TNRC6A: variants seen among roughly 807,000 people sequenced by gnomAD.
The protein encoded by TNRC6A is trinucleotide repeat containing adaptor 6A.
TNRC6A carries 44 observed loss-of-function variants against 221.2 expected under a neutral mutation model. The ratio of observed to expected loss-of-function variants is 0.20; its 90% confidence interval spans 0.16 to 0.26. The LOEUF is 0.26. TNRC6A is among the 10% of genes least tolerant of loss of function. The pLI, the probability that TNRC6A is intolerant of heterozygous loss-of-function variation, is 1.00. For synonymous variants in TNRC6A, 847 were observed against 838.5 expected (o/e 1.01, Z -0.18); for missense variants, 2,199 against 2,404.4 (o/e 0.91, Z 1.79).
At chr16:24,806,870 C>T in intron 17 of TNRC6A, 86 bp downstream of exon 17, 5 of 1,286,670 alleles carry the variant, frequency 3.9e-6, no homozygotes, top group Non-Finnish European at 5.5e-6. Context: ...CAGCTCTGTT[C>T]CTTCATGAAA....
At chr16:24,789,155 T>G (rs1211573712) in intron 5 of TNRC6A, 77 bp from the exon 6 acceptor site, 5 of 1,382,794 alleles carry the variant, frequency 3.6e-6, no homozygotes, top group Non-Finnish European at 4.9e-6. Context: ...AACATATTCG[T>G]CATTTTTCTT....
intron 2 of TNRC6A, among the ~76,000 whole-genome samples, chr16:24,716,010 T>A (rs953857388): frequency 2.0e-5 from 3 of 152,112 alleles, no homozygotes. Flanking sequence ...TGGAATTCTC[T>A]ATCTGTGTGG....
chr16:24,649,266 C>G (rs868524028), intron 2 of TNRC6A, among the ~76,000 whole-genome samples: 2 of 151,970 alleles, frequency 1.3e-5, no homozygotes, highest in South Asian at 4.2e-4. Flanking sequence ...TGCATGTTAC[C>G]TCACATACTT....
At chr16:24,808,230 A>G (rs1031495630) in intron 17 of TNRC6A, among the ~76,000 whole-genome samples, 1 of 152,238 alleles carries the variant, frequency 6.6e-6, no homozygotes, top group East Asian at 1.9e-4. Context: ...TGACATATAA[A>G]TTGGCCACAT....
At chr16:24,639,673 G>A (rs1244813008) in intron 1 of TNRC6A, among the ~76,000 whole-genome samples, 2 of 152,012 alleles carry the variant, frequency 1.3e-5, no homozygotes, top group Non-Finnish European at 2.9e-5. Flanking sequence ...ACAGGGTCTC[G>A]CTCTATCGCC....
Position 24,790,725 on chromosome 16 carries a change from A to G in TNRC6A, c.2083A>G (p.Arg695Gly). The G allele has an allele frequency of 6.2e-7, 1 of 1,614,208 alleles. No homozygotes were observed. The highest frequency in any genetic ancestry group is 8.5e-7 in the Non-Finnish European group (1 of 1,180,032). ...KGTGESQSRD[R>G]RKIDQHTLLQ... ...AACTGGGGAAAGTCAGAGTAGAGACAGAAGAAAAATTGATCAGCACACATT... is the reference window on the plus strand; with the variant it reads ...AACTGGGGAAAGTCAGAGTAGAGACGGAAGAAAAATTGATCAGCACACATT... Residue 695 changes from arginine to glycine, a missense_variant, in exon 6 of 25, where the codon AGA becomes GGA. Arg to Gly is a moderately radical substitution (Grantham distance 125). This residue lies in a region of TNRC6A where 1,405 missense variants were observed against 1,400.2 expected (regional missense o/e 1.00). Transcript: ENST00000395799.
At chr16:24,629,453 A>G (rs763235969) in intron 1 of TNRC6A, among the ~76,000 whole-genome samples, 3 of 152,220 alleles carry the variant, frequency 2.0e-5, no homozygotes, top group Non-Finnish European at 4.4e-5. Flanking sequence ...AATATTTTTA[A>G]TTAAAGTTAC....
At chr16:24,637,150 A>G (rs1901677084) in intron 1 of TNRC6A, among the ~76,000 whole-genome samples, 1 of 152,124 alleles carries the variant, frequency 6.6e-6, no homozygotes, top group African/African-American at 2.4e-5. Context: ...CTCCCGTCTC[A>G]GCCTCCCTAG....
At chr16:24,613,484 ATTTT>A (rs1900173845) in intron 1 of TNRC6A, among the ~76,000 whole-genome samples, 2 of 133,114 alleles carry the variant, frequency 1.5e-5, no homozygotes, top group Admixed American at 1.6e-4. Flanking sequence ...ATTTTATTTT[ATTTT>A]ATTTTATTTT....
intron 11 of TNRC6A, among the ~76,000 whole-genome samples, chr16:24,798,635 A>G (rs2058268589): frequency 6.6e-6 from 1 of 152,252 alleles, no homozygotes; most frequent in Non-Finnish European, 1.5e-5. Context: ...CCAAACCAAG[A>G]CAGTAGATGG....
intron 2 of TNRC6A, among the ~76,000 whole-genome samples, chr16:24,719,988 G>A (rs1596543462): frequency 6.6e-6 from 1 of 152,210 alleles, no homozygotes; most frequent in African/African-American, 2.4e-5. Context: ...GGAAAGTCCT[G>A]AGGAAGTTAC....
chr16:24,737,308 T>C (rs957190057), intron 2 of TNRC6A, among the ~76,000 whole-genome samples: 2 of 152,168 alleles, frequency 1.3e-5, no homozygotes, highest in African/African-American at 4.8e-5. Context: ...GAGGAAGATG[T>C]TTGAGATTCA....
At chr16:24,795,979 G>A in intron 9 of TNRC6A, 40 bp downstream of exon 9, 4 of 1,610,604 alleles carry the variant, frequency 2.5e-6, no homozygotes, top group Non-Finnish European at 3.4e-6. Flanking sequence ...GTTTCTACTA[G>A]TAAAAATCTT....
chr16:24,746,223 A>G (rs1023951268), intron 2 of TNRC6A, among the ~76,000 whole-genome samples: 1 of 152,120 alleles, frequency 6.6e-6, no homozygotes, highest in Non-Finnish European at 1.5e-5. Flanking sequence ...AGATGTGTTC[A>G]GTTGTTTCTA....
chr16:24,781,830 T>C lies in TNRC6A; in HGVS notation c.589+4472T>C, dbSNP rs1041774146. Among the ~76,000 whole-genome samples the C allele has an allele frequency of 1.5e-4, 23 of 151,488 alleles. 1 individual carries two copies. Among genetic ancestry groups the C allele is most frequent in the Admixed American group, 3.3e-4 (5 of 15,192 alleles). On this transcript the variant is annotated intron_variant, in intron 5 of 24. Coordinates refer to ENST00000395799, the MANE Select transcript of TNRC6A (RefSeq NM_014494.4). ...CTGTACTCTGCTGATTTTAACTCTT[T>C]TTTTTTTTTTTTGAGATGGAGTCTC...
In TNRC6A at chr16:24,797,950, G is replaced by C; in HGVS notation, c.3678G>C (p.Lys1226Asn). Residue 1226 changes from lysine to asparagine, a missense_variant, in exon 11 of 25, where the codon AAG becomes AAC. Physicochemically the swap from Lys to Asn is moderately conservative, Grantham distance 94. This residue lies in a region of TNRC6A where 158 missense variants were observed against 159.1 expected (regional missense o/e 0.99). Coordinates refer to ENST00000395799, the MANE Select transcript of TNRC6A (RefSeq NM_014494.4). ...CAGAGGAAAATGTACAAAGCAATAA[G>C]ATGGACCTTTCTGGAGGTAAGAGAA... ...DSPEENVQSNKMDLSGGMLQD... is the reference protein window; with the variant it reads ...DSPEENVQSNNMDLSGGMLQD... 6.2e-7 allele frequency: 1 copy of C among 1,611,092 alleles called. No homozygotes were observed. The highest frequency in any genetic ancestry group is 2.2e-5 in the East Asian group (1 of 44,828).
chr16:24,779,969 A>G (rs2057804910), intron 5 of TNRC6A, among the ~76,000 whole-genome samples: 1 of 152,160 alleles, frequency 6.6e-6, no homozygotes, highest in Non-Finnish European at 1.5e-5. Flanking sequence ...GATGGTTTAA[A>G]TTGAGACTTG....
rs368675797 is a variant in TNRC6A at position 24,717,915 on chromosome 16, C to T, written n.403-32811C>T. Among the ~76,000 whole-genome samples the T allele has an allele frequency of 1.5e-4, 23 of 151,270 alleles. 2 individuals are homozygous for T. The highest frequency in any genetic ancestry group is 9.3e-4 in the Admixed American group (14 of 15,114). On this transcript the variant is annotated intron_variant and non_coding_transcript_variant, in intron 2 of 2. Transcript: ENST00000566108. ...GCCTCCCAAGTAGCTGGATTATAGG[C>T]GCGTGCCACCACCCCCAGCTAATTT...
In TNRC6A at chr16:24,823,740, G is replaced by C; in HGVS notation, c.5822G>C (p.Ser1941Thr). The C allele has an allele frequency of 6.5e-7, 1 of 1,529,096 alleles. No individual in the cohort carries two copies. Among genetic ancestry groups the C allele is most frequent in the Non-Finnish European group, 8.8e-7 (1 of 1,139,872 alleles). The allele number at this position is 1,529,096 out of a possible 1,614,324, so 94.7% of individuals were successfully genotyped here. ...PPSSSDPRGI[S>T]SPSPINAFLS... The stretch of plus-strand genomic sequence containing the variant: ...AGCAGCAGCGACCCCCGAGGAATTA[G>C]CAGCCCATCTCCCATTAACGCTTTT... Residue 1941 changes from serine (S) to threonine (T), a missense_variant, in exon 25 of 25, where the codon AGC becomes ACC. By Grantham distance (58) the Ser-to-Thr change is moderately conservative. This residue lies in a region of TNRC6A where 130 missense variants were observed against 121.7 expected (regional missense o/e 1.07). Coordinates refer to ENST00000395799, the MANE Select transcript of TNRC6A (RefSeq NM_014494.4). The surrounding 1 kb of genome is among the most constrained non-coding windows in gnomAD (Gnocchi z 4.3).
Sources: gnomAD v4.1 joint callset for allele counts (sites outside exome capture counted in the v4.1 genomes callset) on GRCh38, gnomAD v4.1.1 for gene constraint, gnomAD v4.1.1 regional missense constraint, Gnocchi (gnomAD v3.1) non-coding constraint, MANE v1.5 for transcripts, NCBI Gene and HGNC (gene_info 2026-07-23, HGNC 2026-07-21) for gene names.